The following SH3BGR variants were observed in gnomAD, a reference collection of about 807,000 sequenced individuals.
SH3BGR encodes the protein SH3 domain binding glutamate rich protein.
SH3BGR carries 29 observed loss-of-function variants against 24.5 expected under a neutral mutation model. That is an observed-to-expected ratio of 1.18 (90% CI 0.88 to 1.61). The LOEUF (loss-of-function observed/expected upper bound fraction) is 1.61, where lower values mean the gene tolerates loss of function less well. SH3BGR is among the 40% of genes most tolerant of loss of function. SH3BGR has a pLI of 0.00. For synonymous variants in SH3BGR, 55 were observed against 65.7 expected, an observed-to-expected ratio of 0.84 and a Z score of 0.79; for missense variants, 162 against 205.8, an observed-to-expected ratio of 0.79 and a Z score of 1.30.
At chr21:39,464,403 A>G (rs2077807070) in intron 2 of SH3BGR, among the ~76,000 whole-genome samples, 1 of 152,110 alleles carries the variant, frequency 6.6e-6, no homozygotes, top group Non-Finnish European at 1.5e-5. Context: ...TTATAGTTTT[A>G]GTAGAGACAA....
rs536738809 is a variant in SH3BGR, at chr21:39,473,067, CA to C, written c.232-2067del. Among the ~76,000 whole-genome samples the C allele has an allele frequency of 1.3e-3, 204 of 152,066 alleles. 2 individuals carry two copies. Among genetic ancestry groups the C allele is most frequent in the African/African-American group, 4.5e-3 (185 of 41,452 alleles). On this transcript the variant is annotated intron_variant, in intron 2 of 6. Transcript: ENST00000333634. ...ACAACTTTTAGGGCCTCTAATCTGC[CA>C]TAGTAGCAGAACTGGGAGTTGAAAA...
chr21:39,497,161 A>T (rs1397285061), intron 3 of SH3BGR, among the ~76,000 whole-genome samples: 2 of 150,576 alleles, frequency 1.3e-5, no homozygotes, highest in Non-Finnish European at 3.0e-5. Context: ...TTATATGTTT[A>T]TATAAAATAT....
At chr21:39,449,104 C>T (rs555088667), upstream of SH3BGR, among the ~76,000 whole-genome samples, 1 of 152,170 alleles carries the variant, frequency 6.6e-6, no homozygotes, top group Non-Finnish European at 1.5e-5. Flanking sequence ...AACTCCACCC[C>T]AAGGTGAACA....
At chr21:39,447,386 C>A (rs2077508604), upstream of SH3BGR, among the ~76,000 whole-genome samples, 1 of 151,382 alleles carries the variant, frequency 6.6e-6, no homozygotes. Flanking sequence ...TGCAAATCTG[C>A]CCTTGAATCT....
At chr21:39,512,716 C>T (rs767422807) in intron 6 of SH3BGR, among the ~76,000 whole-genome samples, 3 of 151,988 alleles carry the variant, frequency 2.0e-5, no homozygotes, top group Admixed American at 1.3e-4. Flanking sequence ...CACTTGAACC[C>T]GGGAGGCAGA....
chr21:39,453,748 C>G (rs962119800), intron 1 of SH3BGR, among the ~76,000 whole-genome samples: 10 of 152,154 alleles, frequency 6.6e-5, no homozygotes, highest in African/African-American at 2.4e-4. Context: ...CCTTGTTAAG[C>G]CTCAATTTCC....
chr21:39,498,718 C>T (rs8132867), intron 3 of SH3BGR, among the ~76,000 whole-genome samples: 78,427 of 151,392 alleles, frequency 0.52, 20,735 homozygotes, highest in East Asian at 0.67. Flanking sequence ...GTCCCCATGC[C>T]CGTTTCCTCA....
upstream of SH3BGR, among the ~76,000 whole-genome samples, chr21:39,451,018 A>T (rs1407841551): frequency 6.6e-6 from 1 of 151,972 alleles, no homozygotes; most frequent in Non-Finnish European, 1.5e-5. Flanking sequence ...GTCGTACCTC[A>T]GTATGTTACC....
upstream of SH3BGR, among the ~76,000 whole-genome samples, chr21:39,448,333 G>A (rs950475452): frequency 5.3e-5 from 8 of 152,010 alleles, no homozygotes; most frequent in African/African-American, 1.9e-4. Flanking sequence ...TAATAAAGAC[G>A]TGTCTTTATT....
chr21:39,479,235 G>GTGGTGGTGGTGC (rs2078081564), intron 3 of SH3BGR, among the ~76,000 whole-genome samples: 1 of 125,422 alleles, frequency 8.0e-6, no homozygotes, highest in African/African-American at 2.6e-5. Flanking sequence ...GGTGGTGGTG[G>GTGGTGGTGGTGC]TGGTGGTGGT....
intron 5 of SH3BGR, among the ~76,000 whole-genome samples, chr21:39,509,804 C>T (rs1258620208): frequency 1.3e-5 from 2 of 151,834 alleles, no homozygotes; most frequent in Admixed American, 1.3e-4. Flanking sequence ...TGCTAGAGAA[C>T]TAACTTAAAA....
chr21:39,451,880 C>T, upstream of SH3BGR: 1 of 1,608,740 alleles, frequency 6.2e-7, no homozygotes, highest in Non-Finnish European at 8.5e-7. Context: ...CCAAAATATT[C>T]CTGGGCCAAT....
At chr21:39,508,228 A>T (rs185724329) in intron 4 of SH3BGR, among the ~76,000 whole-genome samples, 1 of 152,362 alleles carries the variant, frequency 6.6e-6, no homozygotes, top group South Asian at 2.1e-4. Flanking sequence ...GCTCTCAAGA[A>T]CCACATCTCT....
chr21:39,456,193 G>C (rs1047794762), intron 1 of SH3BGR, among the ~76,000 whole-genome samples: 4 of 152,234 alleles, frequency 2.6e-5, no homozygotes, highest in African/African-American at 9.6e-5. Context: ...ACCTGGGCCA[G>C]CTGCCTCCCA....
At chr21:39,506,470 G>A (rs1051977254) in intron 4 of SH3BGR, among the ~76,000 whole-genome samples, 1 of 152,162 alleles carries the variant, frequency 6.6e-6, no homozygotes, top group Non-Finnish European at 1.5e-5. Flanking sequence ...AAATACCCAA[G>A]ACTGGGTAAT....
In SH3BGR at chr21:39,454,391, G is replaced by A. The variant is rs187408992; in HGVS notation, c.45+2250G>A. ...AAAGCAAATTGTAGTCTCCTTATGA[G>A]GAATTAAATACATGCAGCTGTGTAT... On this transcript the variant is annotated intron_variant, in intron 1 of 6. Transcript: ENST00000333634. Among the ~76,000 whole-genome samples, 35 of 152,322 alleles carry A rather than the reference G, an allele frequency of 2.3e-4. No homozygotes were observed. In the East Asian group the frequency reaches 6.7e-3, roughly 29 times the overall value.
chr21:39,502,244 G>C (rs1362768378), intron 4 of SH3BGR, among the ~76,000 whole-genome samples: 1 of 152,184 alleles, frequency 6.6e-6, no homozygotes, highest in Non-Finnish European at 1.5e-5. Flanking sequence ...GGCACCCCAG[G>C]CATAGACAGG....
At chr21:39,505,087 A>G (rs1286952147) in intron 4 of SH3BGR, among the ~76,000 whole-genome samples, 1 of 152,198 alleles carries the variant, frequency 6.6e-6, no homozygotes, top group Non-Finnish European at 1.5e-5. Flanking sequence ...TGTTGGGTTT[A>G]CAGGCATGTG....
Position 39,462,491 on chromosome 21 carries a change from T to C in SH3BGR, c.162T>C (p.Pro54=). The C allele has an allele frequency of 6.2e-7, 1 of 1,610,212 alleles. No individual in the cohort carries two copies. The highest frequency in any genetic ancestry group is 1.1e-5 in the South Asian group (1 of 90,062). ...GGAGGTGGATGAGAGAGAATGTTCC[T>C]GGAGAGAAAAAACCTCAAAATGGGA... The part of the protein sequence containing the change: ...DNRRWMRENV[P]GEKKPQNGIP... The change falls in exon 2 of 7, where the codon CCT becomes CCC. Residue 54 remains proline, a synonymous_variant. Coordinates refer to ENST00000333634, the MANE Select transcript of SH3BGR (RefSeq NM_007341.3).
Sources: gnomAD v4.1 joint callset for allele counts (sites outside exome capture counted in the v4.1 genomes callset) on GRCh38, gnomAD v4.1.1 for gene constraint, MANE v1.5 for transcripts, NCBI Gene and HGNC (gene_info 2026-07-23, HGNC 2026-07-21) for gene names.